LRRIQ3: variants seen among roughly 807,000 people sequenced by gnomAD.
LRRIQ3 encodes leucine rich repeats and IQ motif containing 3, also known as leucine-rich repeat and IQ domain-containing protein 3.
A neutral mutation model predicts 59.3 loss-of-function variants in LRRIQ3; 75 were observed. The ratio of observed to expected loss-of-function variants is 1.26; its 90% CI spans 1.05 to 1.53. The LOEUF (loss-of-function observed/expected upper bound fraction) is 1.53. Ranked by LOEUF, LRRIQ3 falls within the 40% of genes most tolerant of loss-of-function variation. LRRIQ3 has a pLI of 0.00. For missense variants in LRRIQ3, 831 were observed against 710.0 expected (o/e 1.17, Z -1.94); for synonymous variants, 250 against 231.3 (o/e 1.08, Z -0.73).
chr1:74,064,396 A>G (rs1478581324), intron 6 of LRRIQ3, among the ~76,000 whole-genome samples: 2 of 151,966 alleles, frequency 1.3e-5, no homozygotes, highest in East Asian at 1.9e-4. Context: ...TTATGTATAC[A>G]TATTGTTTTA....
In LRRIQ3 at chr1:74,041,289, T is replaced by C. The variant is rs1183929799; in HGVS notation, c.1642A>G (p.Lys548Glu). ...LEKNEAVLKEKSLIVKQKLKA... is the reference protein window; with the variant it reads ...LEKNEAVLKEESLIVKQKLKA... The stretch of plus-strand genomic sequence containing the variant: ...AGTTTTTGCTTAACAATCAGGCTTT[T>C]CTCTTTTAGGACAGCCTCATTCTTC... Residue 548 changes from lysine (K) to glutamate (E), a missense_variant, in exon 7 of 8, where the codon AAA becomes GAA. Coordinates refer to ENST00000354431, the MANE Select transcript of LRRIQ3 (RefSeq NM_001105659.2). The C allele has an allele frequency of 2.5e-5, 40 of 1,609,650 alleles. No homozygotes were observed. The highest frequency in any genetic ancestry group is 3.0e-5 in the Non-Finnish European group (35 of 1,179,022).
chr1:74,148,152 A>G (rs1003435267), intron 4 of LRRIQ3, among the ~76,000 whole-genome samples: 10 of 152,148 alleles, frequency 6.6e-5, no homozygotes, highest in Non-Finnish European at 1.3e-4. Context: ...GTGTCCTTAC[A>G]TTGACATCTG....
intron 6 of LRRIQ3, among the ~76,000 whole-genome samples, chr1:74,062,248 T>C (rs534042522): frequency 3.9e-5 from 6 of 152,098 alleles, no homozygotes; most frequent in African/African-American, 1.4e-4. Flanking sequence ...GCAAAAGACA[T>C]GAAAAGACAC....
chr1:74,183,994 TAGACA>T (rs150230041), intron 1 of LRRIQ3, among the ~76,000 whole-genome samples: 176 of 152,078 alleles, frequency 1.2e-3, no homozygotes, highest in Admixed American at 2.0e-3. Context: ...TCATCCCTTC[TAGACA>T]AGACAACTAA....
intron 5 of LRRIQ3, among the ~76,000 whole-genome samples, chr1:74,079,667 A>G (rs1255143145): frequency 1.3e-5 from 2 of 151,766 alleles, no homozygotes; most frequent in Non-Finnish European, 3.0e-5. Context: ...CAATGCTGAG[A>G]ATGTTCTCTG....
At chr1:74,125,413 T>A (rs1312696194) in intron 4 of LRRIQ3, among the ~76,000 whole-genome samples, 1 of 151,948 alleles carries the variant, frequency 6.6e-6, no homozygotes, top group Non-Finnish European at 1.5e-5. Context: ...GTGATGAAAG[T>A]GGACATCCTT....
At chr1:74,187,359 C>A (rs1028395053) in intron 1 of LRRIQ3, among the ~76,000 whole-genome samples, 2 of 145,686 alleles carry the variant, frequency 1.4e-5, no homozygotes, top group South Asian at 4.3e-4. Flanking sequence ...TGTTTACACA[C>A]ACACACACAC....
chr1:74,031,501 C>G (rs1009833785), intron 7 of LRRIQ3, among the ~76,000 whole-genome samples: 2 of 151,682 alleles, frequency 1.3e-5, no homozygotes, highest in Non-Finnish European at 2.9e-5. Flanking sequence ...TCTCAGCAAA[C>G]TATCACAAGG....
In LRRIQ3 at chr1:74,090,158, T is replaced by C. The variant is rs182939160; in HGVS notation, c.868-15368A>G. ...AGAAAACAACATATTTATCATTAAT[T>C]ACTAGCTATAACACTTCCAGAACTT... On this transcript the variant is annotated intron_variant, in intron 5 of 7. Coordinates refer to ENST00000354431, the MANE Select transcript of LRRIQ3 (RefSeq NM_001105659.2). Among the ~76,000 whole-genome samples, 491 of 152,130 alleles carry C rather than the reference T, an allele frequency of 3.2e-3. 4 individuals are homozygous for C. The highest frequency in any genetic ancestry group is 0.011 in the African/African-American group (451 of 41,538).
chr1:74,127,960 C>A (rs1446860352), intron 4 of LRRIQ3, among the ~76,000 whole-genome samples: 3 of 151,918 alleles, frequency 2.0e-5, no homozygotes, highest in Non-Finnish European at 2.9e-5. Flanking sequence ...ATATCTTCTT[C>A]CTATATGAAG....
At chr1:74,173,846 ATCTC>A (rs1164985567) in intron 3 of LRRIQ3, among the ~76,000 whole-genome samples, 2 of 151,968 alleles carry the variant, frequency 1.3e-5, no homozygotes, top group Non-Finnish European at 1.5e-5. Flanking sequence ...AAATGTCTTT[ATCTC>A]TCTTTTATTT....
chr1:74,120,427 C>G (rs994378463), intron 4 of LRRIQ3, among the ~76,000 whole-genome samples: 1 of 151,770 alleles, frequency 6.6e-6, no homozygotes, highest in Admixed American at 6.6e-5. Flanking sequence ...TATGTTGTTT[C>G]TTAAATATTT....
At chr1:74,072,865 G>A (rs1238169747) in intron 6 of LRRIQ3, among the ~76,000 whole-genome samples, 1 of 151,970 alleles carries the variant, frequency 6.6e-6, no homozygotes, top group East Asian at 1.9e-4. Context: ...CGAATATTCT[G>A]ACCATAATGT....
At chr1:74,136,422 GA>G (rs1647125227) in intron 4 of LRRIQ3, among the ~76,000 whole-genome samples, 1 of 151,968 alleles carries the variant, frequency 6.6e-6, no homozygotes, top group Non-Finnish European at 1.5e-5. Context: ...TGGCTACACA[GA>G]AAGTTTCTTA....
intron 1 of LRRIQ3, among the ~76,000 whole-genome samples, chr1:74,193,410 A>T (rs1158976821): frequency 1.3e-5 from 2 of 152,148 alleles, no homozygotes; most frequent in Non-Finnish European, 2.9e-5. Flanking sequence ...TTTTAATTGC[A>T]CTATATAAAC....
intron 4 of LRRIQ3, among the ~76,000 whole-genome samples, chr1:74,126,237 C>A (rs906756088): frequency 6.6e-6 from 1 of 151,606 alleles, no homozygotes; most frequent in Non-Finnish European, 1.5e-5. Context: ...TTTGGGTCTT[C>A]TCTCTTTTTT....
chr1:74,059,980 T>C (rs1029367109), intron 6 of LRRIQ3, among the ~76,000 whole-genome samples: 1 of 152,100 alleles, frequency 6.6e-6, no homozygotes, highest in Non-Finnish European at 1.5e-5. Context: ...TTATTCGCTA[T>C]ATAATTGATT....
chr1:74,100,593 T>A (rs1440244294), intron 5 of LRRIQ3, among the ~76,000 whole-genome samples: 1 of 152,300 alleles, frequency 6.6e-6, no homozygotes, highest in African/African-American at 2.4e-5. Flanking sequence ...ATAGCCTGCA[T>A]TGCCAAGACA....
Position 74,041,646 on chromosome 1 carries a change from C to T in LRRIQ3, c.1285G>A (p.Glu429Lys). 1 of 1,613,674 alleles carries T rather than the reference C, an allele frequency of 6.2e-7. No homozygotes were observed. ...TTATGGTATTCCTGCTTCTTTTGTT[C>T]TGTGTAATATTTGTCAATATCACTA... ...TFSDIDKYYT[E>K]QKKQEYHKEK... The change falls in exon 7 of 8, where the codon GAA becomes AAA. Residue 429 changes from glutamate to lysine, a missense_variant. Glu to Lys is a moderately conservative substitution (Grantham distance 56). Transcript: ENST00000354431.
Sources: gnomAD v4.1 joint callset for allele counts (sites outside exome capture counted in the v4.1 genomes callset) on GRCh38, gnomAD v4.1.1 for gene constraint, MANE v1.5 for transcripts, NCBI Gene and HGNC (gene_info 2026-07-23, HGNC 2026-07-21) for gene names.